LARP4B: variants seen among roughly 807,000 people sequenced by gnomAD.
The protein encoded by LARP4B is la-related protein 4B.
A neutral mutation model predicts 89.8 loss-of-function variants in LARP4B; 12 were observed. That is an observed-to-expected ratio of 0.13 (90% confidence interval 0.09 to 0.22). The LOEUF is 0.22. Among genes scored for constraint, LARP4B ranks in the 10% least tolerant of loss-of-function variants. The pLI is 1.00. For missense variants in LARP4B, 757 were observed against 947.7 expected (o/e 0.80, Z 2.64); for synonymous variants, 367 against 363.3 (o/e 1.01, Z -0.12).
At chr10:873,034 A>G (rs140221407) in intron 3 of LARP4B, 1 of 985,340 alleles carries the variant, frequency 1.0e-6, no homozygotes, top group East Asian at 1.1e-4. Flanking sequence ...ATGAAGACAA[A>G]GTTTTACTTA....
At position 875,336 on chromosome 10, in the gene LARP4B, T is replaced by C. The variant is rs58452695; in HGVS notation, c.141+9111A>G. Among the ~76,000 whole-genome samples, 1,434 of 152,308 alleles carry C rather than the reference T, an allele frequency of 9.4e-3. 25 individuals carry two copies. Among genetic ancestry groups the C allele is most frequent in the African/African-American group, 0.031 (1,281 of 41,562 alleles). On this transcript the variant is annotated intron_variant, in intron 3 of 17. Coordinates refer to ENST00000316157, the MANE Select transcript of LARP4B (RefSeq NM_015155.3). Reference sequence around the variant, plus strand: ...AAAGAGCTGTTAGGCAGACTTTAAGTAGTTGGAATAGAATCTCAGAGTCCC... The same window carrying C: ...AAAGAGCTGTTAGGCAGACTTTAAGCAGTTGGAATAGAATCTCAGAGTCCC...
chr10:920,468 A>G (rs530257307), intron 1 of LARP4B, among the ~76,000 whole-genome samples: 1 of 152,366 alleles, frequency 6.6e-6, no homozygotes, highest in Admixed American at 6.5e-5. Flanking sequence ...CACACCTAAC[A>G]TTTTATGAAT....
chr10:842,951 C>T lies in LARP4B; in HGVS notation c.627G>A (p.Leu209=), dbSNP rs779864523. 4.3e-6 allele frequency: 7 copies of T among 1,613,968 alleles called. No homozygotes were observed. The highest frequency in any genetic ancestry group is 5.9e-6 in the Non-Finnish European group (7 of 1,179,992). The change falls in exon 7 of 18, where the codon TTG becomes TTA. Residue 209 remains leucine, a synonymous_variant. Transcript: ENST00000316157. ...HIKKLSTDVD[L]IVEVLRSLPL... ...ACTTACATCTTAGCACTTCCACAAT[C>T]AAGTCCACATCAGTGCTGAGCTTCT...
intron 7 of LARP4B, among the ~76,000 whole-genome samples, chr10:841,587 T>C (rs1048726504): frequency 6.6e-6 from 1 of 152,176 alleles, no homozygotes; most frequent in African/African-American, 2.4e-5. Context: ...GTTTGCAAGG[T>C]CTGTCCGAAA....
intron 5 of LARP4B, among the ~76,000 whole-genome samples, chr10:848,056 T>G (rs1466724294): frequency 6.6e-6 from 1 of 152,212 alleles, no homozygotes; most frequent in African/African-American, 2.4e-5. Flanking sequence ...CCAGGTTCTT[T>G]GCAAAGCACG....
intron 1 of LARP4B, among the ~76,000 whole-genome samples, chr10:898,802 A>G (rs926160785): frequency 1.3e-5 from 2 of 152,250 alleles, no homozygotes; most frequent in Admixed American, 6.5e-5. Context: ...CCTATTTAGC[A>G]CAGCAGGAAA....
chr10:984,546 T>C, the LARP4B span, among the ~76,000 whole-genome samples: 574 of 152,292 alleles, frequency 3.8e-3, 7 homozygotes, highest in African/African-American at 0.013. Context: ...AGAAGTTCAT[T>C]AGCACAGGTG....
At chr10:837,164 T>C (rs931815162) in intron 7 of LARP4B, among the ~76,000 whole-genome samples, 1 of 152,184 alleles carries the variant, frequency 6.6e-6, no homozygotes, top group Non-Finnish European at 1.5e-5. Context: ...ATACATTACA[T>C]GAAACAGAAA....
chr10:880,500 A>G (rs779572485), intron 3 of LARP4B, among the ~76,000 whole-genome samples: 1 of 152,156 alleles, frequency 6.6e-6, no homozygotes, highest in Non-Finnish European at 1.5e-5. Context: ...AGCTTGGGCA[A>G]CATGGCGAAA....
At chr10:924,167 C>G (rs779354676) in intron 1 of LARP4B, among the ~76,000 whole-genome samples, 2 of 152,060 alleles carry the variant, frequency 1.3e-5, no homozygotes, top group Non-Finnish European at 2.9e-5. Context: ...TCGCTCAAGC[C>G]CAGGTCGAGG....
At chr10:817,695 CA>C (rs1393772126) in intron 15 of LARP4B, 29 bp downstream of exon 15, 1 of 1,595,194 alleles carries the variant, frequency 6.3e-7, no homozygotes, top group East Asian at 2.2e-5. Flanking sequence ...ACACTGTTGG[CA>C]ACTATTAGAC....
At chr10:831,952 C>T (rs899420972) in intron 8 of LARP4B, among the ~76,000 whole-genome samples, 1 of 152,150 alleles carries the variant, frequency 6.6e-6, no homozygotes, top group Non-Finnish European at 1.5e-5. Context: ...ATACACATAA[C>T]ACATTTACTG....
chr10:895,366 A>G (rs1836154382), intron 1 of LARP4B, among the ~76,000 whole-genome samples: 1 of 152,068 alleles, frequency 6.6e-6, no homozygotes, highest in Admixed American at 6.5e-5. Flanking sequence ...AAACAAATTT[A>G]TTAACAATGT....
the LARP4B span, among the ~76,000 whole-genome samples, chr10:975,670 T>A: frequency 1.7e-4 from 26 of 152,320 alleles, 1 homozygote; most frequent in African/African-American, 6.0e-4. Flanking sequence ...AAGGCAAGAA[T>A]TGTGGCCCGG....
chr10:844,657 G>A (rs1393277490), intron 6 of LARP4B, among the ~76,000 whole-genome samples: 1 of 151,894 alleles, frequency 6.6e-6, no homozygotes, highest in Admixed American at 6.6e-5. Context: ...TCAGTGTCTG[G>A]TGTGCTTTCA....
the LARP4B span, among the ~76,000 whole-genome samples, chr10:951,533 C>T: frequency 2.0e-5 from 3 of 151,620 alleles, no homozygotes; most frequent in Admixed American, 6.6e-5. Context: ...GTGACAGAGC[C>T]AGACTCTGTC....
Position 843,068 on chromosome 10 carries a change from C to T in LARP4B, c.510G>A (p.Arg170=), listed in dbSNP as rs940010535. 6.2e-7 allele frequency: 1 copy of T among 1,612,448 alleles called. No individual in the cohort carries two copies. The highest frequency in any genetic ancestry group is 1.3e-5 in the African/African-American group (1 of 74,866). The change falls in exon 7 of 18, where the codon AGG becomes AGA. Residue 170 remains arginine, a splice_region_variant and synonymous_variant. Transcript: ENST00000316157. ...LKKTLEFCLS[R]ENLASDMYLI... is the part of the protein sequence containing the mutation. ...GATACATGTCACTAGCAAGGTTCTCCCTGTTGAAAGAAAACAATCTCTTTT... is the reference window on the plus strand; with the variant it reads ...GATACATGTCACTAGCAAGGTTCTCTCTGTTGAAAGAAAACAATCTCTTTT...
chr10:848,101 C>A (rs1833867826), intron 5 of LARP4B, among the ~76,000 whole-genome samples: 1 of 152,154 alleles, frequency 6.6e-6, no homozygotes, highest in Non-Finnish European at 1.5e-5. Flanking sequence ...CGTGGAAGAA[C>A]CACCTGAGGG....
At chr10:916,539 T>C (rs975762982) in intron 1 of LARP4B, among the ~76,000 whole-genome samples, 5 of 151,992 alleles carry the variant, frequency 3.3e-5, no homozygotes, top group African/African-American at 7.3e-5. Flanking sequence ...CTACTAAAAA[T>C]ACAAAACTAG....
Sources: allele counts gnomAD v4.1 joint callset (sites outside exome capture counted in the v4.1 genomes callset), GRCh38; gene constraint gnomAD v4.1.1; transcripts MANE v1.5; gene names NCBI Gene and HGNC (gene_info 2026-07-23, HGNC 2026-07-21).